Variants in PC observed in about 807,000 individuals in gnomAD.
PC encodes the protein pyruvate carboxylase, mitochondrial.
Under a neutral mutation model 107.8 loss-of-function variants are expected in PC, and 46 were observed. The observed-to-expected ratio is 0.43, with a 90% CI of 0.34 to 0.55. The LOEUF (loss-of-function observed/expected upper bound fraction) is 0.55. PC is among the 20% of genes least tolerant of loss of function. The probability of loss-of-function intolerance (pLI) is 0.04; values close to 1 mark genes in which losing one functional copy is unlikely to be tolerated. For synonymous variants in PC, 662 were observed against 684.7 expected (o/e 0.97, Z 0.52); for missense variants, 1,241 against 1,643.1 (o/e 0.76, Z 4.23).
intron 3 of PC, among the ~76,000 whole-genome samples, chr11:66,946,460 CT>C (rs1430889567): frequency 2.0e-5 from 3 of 151,894 alleles, no homozygotes; most frequent in East Asian, 3.9e-4. Context: ...GAAACCCCGT[CT>C]CTACTAAAAA....
intron 3 of PC, among the ~76,000 whole-genome samples, chr11:66,922,948 T>C (rs1390345949): frequency 1.3e-5 from 2 of 152,214 alleles, no homozygotes; most frequent in Non-Finnish European, 2.9e-5. Context: ...AAGCAAGGCA[T>C]AGTCAATAAC....
chr11:66,894,768 T>C (rs1349458570), intron 3 of PC, among the ~76,000 whole-genome samples: 2 of 152,234 alleles, frequency 1.3e-5, no homozygotes. Flanking sequence ...GCACCTGTAA[T>C]GCCAACACTT....
In PC at chr11:66,858,431, G is replaced by A. The variant is rs1239189868; in HGVS notation, c.1369-5048C>T. On this transcript the variant is annotated intron_variant, in intron 12 of 22. Coordinates refer to ENST00000393960, the MANE Select transcript of PC (RefSeq NM_001040716.2). This position sits in a 1 kb window ranked among gnomAD's most constrained non-coding sequence, Gnocchi z 5.9. ...AGGCCTCTCCCGCCCCCCTGGTGCTGAGCTTTAGCGGGAACCCCCTGCACT... is the reference window on the plus strand; with the variant it reads ...AGGCCTCTCCCGCCCCCCTGGTGCTAAGCTTTAGCGGGAACCCCCTGCACT... 2 of 1,553,342 alleles carry A rather than the reference G, an allele frequency of 1.3e-6. No individual in the cohort carries two copies. Among genetic ancestry groups the A allele is most frequent in the East Asian group, 2.4e-5 (1 of 42,198 alleles).
intron 3 of PC, among the ~76,000 whole-genome samples, chr11:66,913,220 G>C (rs1188921889): frequency 6.6e-6 from 1 of 151,820 alleles, no homozygotes; most frequent in Non-Finnish European, 1.5e-5. Flanking sequence ...TTCAGGCGCA[G>C]AGCTGCTAAG....
At chr11:66,888,542 G>A (rs2136003349) in intron 3 of PC, among the ~76,000 whole-genome samples, 1 of 152,334 alleles carries the variant, frequency 6.6e-6, no homozygotes, top group Admixed American at 6.5e-5. Flanking sequence ...GGGAGGCCCA[G>A]GTCGCTCGCT....
intron 3 of PC, among the ~76,000 whole-genome samples, chr11:66,890,090 C>T (rs561296755): frequency 6.6e-6 from 1 of 152,258 alleles, no homozygotes; most frequent in South Asian, 2.1e-4. Context: ...AAACCCTAAC[C>T]AATGTGGCAG....
intron 3 of PC, among the ~76,000 whole-genome samples, chr11:66,899,331 T>C (rs1947869276): frequency 1.3e-5 from 2 of 152,190 alleles, no homozygotes; most frequent in Non-Finnish European, 2.9e-5. Context: ...TGACTACAGG[T>C]ATGTGCCACA....
rs756436290 is a variant in PC, at chr11:66,849,213, C to T, written c.3288+17G>A. On this transcript the variant is annotated intron_variant, in intron 22 of 22. Transcript: ENST00000393960. ...AGCCAAGCCCCACCGCCTGGCTGGC[C>T]CTGGGGGAGACAATACCTTCATGGC... 6.2e-7 allele frequency: 1 copy of T among 1,613,802 alleles called. No individual in the cohort carries two copies. The highest frequency in any genetic ancestry group is 1.1e-5 in the South Asian group (1 of 91,088).
intron 9 of PC, among the ~76,000 whole-genome samples, chr11:66,869,590 C>T (rs1487063632): frequency 3.9e-5 from 6 of 152,148 alleles, no homozygotes; most frequent in South Asian, 2.1e-4. Flanking sequence ...GACTTAAACG[C>T]GACCCTGGTC....
At position 66,904,089 on chromosome 11, in the gene PC, G is replaced by T. The variant is rs533679435; in HGVS notation, c.1-31930C>A. ...CTCACTTGCTACTAAGAGTAACCTC[G>T]CCTGGTAGGTAGGACAAGCACATCT... On this transcript the variant is annotated intron_variant, in intron 3 of 22. Transcript: ENST00000393960. Among the ~76,000 whole-genome samples the T allele has an allele frequency of 8.3e-4, 126 of 152,050 alleles. No homozygotes were observed. In the East Asian group the frequency reaches 0.01, roughly 12 times the overall value.
chr11:66,955,896 C>G (rs1949549904), intron 1 of PC, among the ~76,000 whole-genome samples: 1 of 152,092 alleles, frequency 6.6e-6, no homozygotes, highest in South Asian at 2.1e-4. Context: ...CCTCAGCCTC[C>G]TGAGTAGCTG....
chr11:66,851,422 G>T, intron 16 of PC, 142 bp from the exon 17 acceptor site: 1 of 1,239,356 alleles, frequency 8.1e-7, no homozygotes, highest in Non-Finnish European at 1.1e-6. Flanking sequence ...GGCATCCACA[G>T]GCGGGGGGTG....
chr11:66,867,519 C>T (rs564224723), intron 10 of PC, among the ~76,000 whole-genome samples: 1 of 152,198 alleles, frequency 6.6e-6, no homozygotes, highest in Non-Finnish European at 1.5e-5. Flanking sequence ...ATGACAGCTT[C>T]CACTCAGTGC....
chr11:66,858,068 G>A lies in PC; in HGVS notation c.1369-4685C>T, dbSNP rs764917415. 17 of 1,609,716 alleles carry A rather than the reference G, an allele frequency of 1.1e-5. No individual in the cohort carries two copies. The highest frequency in any genetic ancestry group is 1.4e-5 in the Non-Finnish European group (16 of 1,178,340). ...CCCTCCACCTTGACGGCAACAGGCT[G>A]GTGGAGCTGGGCACCGGGAGCCTCC... On this transcript the variant is annotated intron_variant, in intron 12 of 22. Coordinates refer to ENST00000393960, the MANE Select transcript of PC (RefSeq NM_001040716.2). The surrounding 1 kb of genome is among the most constrained non-coding windows in gnomAD (Gnocchi z 5.9).
At chr11:66,873,484 ATATT>A (rs1946844340) in intron 3 of PC, among the ~76,000 whole-genome samples, 3 of 65,268 alleles carry the variant, frequency 4.6e-5, no homozygotes, top group African/African-American at 6.1e-5. Flanking sequence ...ATAATATATA[ATATT>A]ATATATATTA....
chr11:66,957,083 T>G (rs1949579805), intron 1 of PC, among the ~76,000 whole-genome samples: 1 of 152,166 alleles, frequency 6.6e-6, no homozygotes. Context: ...GTGAGAGAAA[T>G]GCTGAGCACA....
rs1423985117 is a variant in PC, at chr11:66,870,249, T to C, written c.903+53A>G. 6 of 1,605,004 alleles carry C rather than the reference T, an allele frequency of 3.7e-6. No homozygotes were observed. Among genetic ancestry groups the C allele is most frequent in the Middle Eastern group, 2.0e-4 (1 of 4,884 alleles). On this transcript the variant is annotated intron_variant, in intron 9 of 22. Transcript: ENST00000393960. This position sits in a 1 kb window ranked among gnomAD's most constrained non-coding sequence, Gnocchi z 6.1. ...CCAACCAGCGCCCCACTGTGAGGCC[T>C]GCCGGCCTGTGAGCACAGGCTCCTG...
chr11:66,912,619 G>T (rs1015409964), intron 3 of PC, among the ~76,000 whole-genome samples: 1 of 152,144 alleles, frequency 6.6e-6, no homozygotes, highest in African/African-American at 2.4e-5. Context: ...CCTGCTCTCC[G>T]CTGGTTTCCT....
chr11:66,863,950 G>T lies in PC; in HGVS notation c.1192C>A (p.Arg398=). Residue 398 remains arginine (R), a synonymous_variant, in exon 12 of 23, where the codon CGG becomes AGG. Transcript: ENST00000393960. ...QPDTGRIEVF[R]SGEGMGIRLD... ...CGGATGCCCATGCCCTCTCCGCTCC[G>T]GAACACCTGTGGGAAGGGTGAGGCG... The T allele has an allele frequency of 6.2e-7, 1 of 1,613,782 alleles. No homozygotes were observed. The highest frequency in any genetic ancestry group is 1.1e-5 in the South Asian group (1 of 91,086).
Sources: gnomAD v4.1 joint callset for allele counts (sites outside exome capture counted in the v4.1 genomes callset) on GRCh38, gnomAD v4.1.1 for gene constraint, Gnocchi (gnomAD v3.1) non-coding constraint, MANE v1.5 for transcripts, NCBI Gene and HGNC (gene_info 2026-07-23, HGNC 2026-07-21) for gene names.